NSUN6: variants seen among roughly 807,000 people sequenced by gnomAD.
NSUN6 encodes the protein NOP2/Sun RNA methyltransferase 6, also known as tRNA (cytosine(72)-C(5))-methyltransferase NSUN6.
NSUN6 carries 64 observed loss-of-function variants against 58.0 expected under a neutral mutation model. The ratio of observed to expected loss-of-function variants is 1.10; its 90% CI spans 0.90 to 1.36. The LOEUF is 1.36. Among genes scored for constraint, NSUN6 ranks in the 40% most tolerant of loss-of-function variants. The pLI, the probability that NSUN6 is intolerant of heterozygous loss-of-function variation, is 0.00. For synonymous variants in NSUN6, 231 were observed against 193.9 expected (o/e 1.19, Z -1.59); for missense variants, 701 against 550.1 (o/e 1.27, Z -2.74).
At position 18,651,375 on chromosome 10, in the gene NSUN6, C is replaced by G. The variant is rs1038828261; in HGVS notation, c.-172G>C. ...TGCAGAGGTACACGCTTTCTCAAGCCTAGCCGATTAGAAGGGGCTGCCGGG... is the reference window on the plus strand; with the variant it reads ...TGCAGAGGTACACGCTTTCTCAAGCGTAGCCGATTAGAAGGGGCTGCCGGG... On this transcript the variant is annotated 5_prime_UTR_variant, in exon 1 of 11. Coordinates refer to ENST00000377304, the MANE Select transcript of NSUN6 (RefSeq NM_182543.5). 2.3e-6 allele frequency: 3 copies of G among 1,320,756 alleles called. No homozygotes were observed. In the Admixed American group the frequency reaches 1.2e-4, roughly 53 times the overall value. The allele number at this position is 1,320,756 out of a possible 1,614,324, so 81.8% of individuals were successfully genotyped here. A position where few individuals can be genotyped will look rare whatever the true frequency, so the allele number is the denominator to read the frequency against.
chr10:18,566,366 ACATTCCATTCCATTCTC>A (rs1390375303), intron 8 of NSUN6, among the ~76,000 whole-genome samples: 7 of 141,416 alleles, frequency 4.9e-5, no homozygotes, highest in Non-Finnish European at 7.8e-5. Flanking sequence ...ATTCCACTCC[ACATTCCATTCCATTCTC>A]CATTCCATTC....
chr10:18,585,174 C>CGGCAA (rs913579766), intron 8 of NSUN6, among the ~76,000 whole-genome samples: 2 of 151,998 alleles, frequency 1.3e-5, no homozygotes, highest in Non-Finnish European at 2.9e-5. Context: ...TAATATATGC[C>CGGCAA]GGCAAGGATG....
chr10:18,557,648 C>T (rs1225672647), intron 8 of NSUN6, among the ~76,000 whole-genome samples: 3 of 124,574 alleles, frequency 2.4e-5, no homozygotes, highest in Admixed American at 8.7e-5. Flanking sequence ...TGGAAAAGAG[C>T]AGAATGGAAT....
At chr10:18,657,118 G>T (rs193189788), upstream of NSUN6, among the ~76,000 whole-genome samples, 4 of 151,944 alleles carry the variant, frequency 2.6e-5, no homozygotes, top group East Asian at 7.7e-4. Context: ...ATGAGCCACC[G>T]TGCCTCTCCT....
At chr10:18,640,261 A>G (rs1480705016) in intron 3 of NSUN6, among the ~76,000 whole-genome samples, 1 of 152,200 alleles carries the variant, frequency 6.6e-6, no homozygotes, top group African/African-American at 2.4e-5. Context: ...ACGGTCTATA[A>G]AAAATCAAAT....
At chr10:18,600,941 A>AAAAATATATAT (rs1487679670) in intron 6 of NSUN6, among the ~76,000 whole-genome samples, 1 of 43,532 alleles carries the variant, frequency 2.3e-5, no homozygotes, top group Non-Finnish European at 4.5e-5. Flanking sequence ...AAAAAAAAAA[A>AAAAATATATAT]ATATATATAT....
At chr10:18,642,628 T>G (rs1271960570) in intron 2 of NSUN6, 73 bp from the exon 3 acceptor site, 1 of 757,190 alleles carries the variant, frequency 1.3e-6, no homozygotes, top group Non-Finnish European at 2.3e-6. Context: ...CTTTTCAGTA[T>G]CATCATCTAC....
chr10:18,546,868 T>C (rs1052605832), intron 10 of NSUN6, among the ~76,000 whole-genome samples: 1 of 140,464 alleles, frequency 7.1e-6, no homozygotes, highest in Non-Finnish European at 1.5e-5. Flanking sequence ...TGACACTCCA[T>C]CTCAAAAAAC....
At chr10:18,572,508 C>G (rs1211896589) in intron 8 of NSUN6, among the ~76,000 whole-genome samples, 2 of 150,648 alleles carry the variant, frequency 1.3e-5, no homozygotes. Context: ...CCATTCCATT[C>G]TGCATTCCAT....
At chr10:18,577,724 T>C (rs961137580) in intron 8 of NSUN6, among the ~76,000 whole-genome samples, 3 of 152,242 alleles carry the variant, frequency 2.0e-5, no homozygotes, top group Non-Finnish European at 2.9e-5. Context: ...CTTCTACTTT[T>C]AAACTTAACT....
intron 9 of NSUN6, 61 bp downstream of exon 9, chr10:18,551,759 CAGT>C: frequency 7.2e-7 from 1 of 1,391,698 alleles, no homozygotes; most frequent in African/African-American, 1.4e-5. Flanking sequence ...AGATTGCTGT[CAGT>C]AGTTTAAACA....
chr10:18,551,696 C>A, intron 9 of NSUN6, 127 bp downstream of exon 9: 1 of 695,218 alleles, frequency 1.4e-6, no homozygotes, highest in Non-Finnish European at 2.5e-6. Context: ...TATCTGTCAA[C>A]AGACTCTTGG....
chr10:18,572,220 C>T (rs1262047188), intron 8 of NSUN6, among the ~76,000 whole-genome samples: 1 of 145,996 alleles, frequency 6.8e-6, no homozygotes, highest in African/African-American at 2.7e-5. Context: ...ATTCATTGTT[C>T]ACTCCATTCC....
intron 8 of NSUN6, among the ~76,000 whole-genome samples, chr10:18,556,981 G>A (rs1451599364): frequency 1.3e-5 from 2 of 151,046 alleles, no homozygotes; most frequent in East Asian, 3.9e-4. Context: ...GAATGGAATG[G>A]AGAATGGAAT....
intron 1 of NSUN6, among the ~76,000 whole-genome samples, chr10:18,649,898 A>G (rs1024245562): frequency 1.3e-5 from 2 of 152,220 alleles, no homozygotes; most frequent in African/African-American, 4.8e-5. Context: ...CTTTCCATAC[A>G]GTCTAGTACC....
In NSUN6 at chr10:18,587,957, C is replaced by T. The variant is rs568166416; in HGVS notation, c.778-1864G>A. ...TACTCCCCTGGAAAGGGGGCTAATG[C>T]CAGGGAGCCAAGTGGTCTCACTCAG... On this transcript the variant is annotated intron_variant, in intron 7 of 10. Transcript: ENST00000377304. Among the ~76,000 whole-genome samples the T allele has an allele frequency of 7.9e-5, 12 of 152,212 alleles. No individual in the cohort carries two copies. In the East Asian group the frequency reaches 1.9e-3, roughly 25 times the overall value.
At position 18,548,175 on chromosome 10, in the gene NSUN6, G is replaced by T. The variant is rs745746962; in HGVS notation, c.1134C>A (p.Ala378=). 6.2e-7 allele frequency: 1 copy of T among 1,613,400 alleles called. No individual in the cohort carries two copies. Among genetic ancestry groups the T allele is most frequent in the Non-Finnish European group, 8.5e-7 (1 of 1,179,742 alleles). Residue 378 remains alanine, a synonymous_variant, in exon 10 of 11, where the codon GCC becomes GCA. Transcript: ENST00000377304. ...LVYSTCTITL[A]ENEEQVAWAL... is the part of the protein sequence containing the mutation. ...CCCAGGCAACCTGTTCTTCATTTTC[G>T]GCCAGTGTTATAGTGCACGTGCTAT...
intron 8 of NSUN6, among the ~76,000 whole-genome samples, chr10:18,570,444 TTC>T (rs2056279598): frequency 1.0e-4 from 14 of 140,524 alleles, no homozygotes; most frequent in Admixed American, 8.3e-4. Flanking sequence ...TTCCATTCCA[TTC>T]TCCATTCCAT....
chr10:18,603,925 T>G (rs982887822), intron 6 of NSUN6, among the ~76,000 whole-genome samples: 4 of 152,188 alleles, frequency 2.6e-5, no homozygotes, highest in African/African-American at 9.7e-5. Flanking sequence ...GGCTCACACC[T>G]GTAATCCCAG....
Sources: gnomAD v4.1 joint callset for allele counts (sites outside exome capture counted in the v4.1 genomes callset) on GRCh38, gnomAD v4.1.1 for gene constraint, MANE v1.5 for transcripts, NCBI Gene and HGNC (gene_info 2026-07-23, HGNC 2026-07-21) for gene names.